Variants in MAGI2 observed in about 807,000 individuals in gnomAD.
MAGI2 encodes membrane-associated guanylate kinase, WW and PDZ domain-containing protein 2.
In MAGI2, 35 loss-of-function variants were observed where a neutral mutation model predicts 133.3. That is an observed-to-expected ratio of 0.26 (90% CI 0.20 to 0.35). The LOEUF (loss-of-function observed/expected upper bound fraction) is 0.35. Ranked by LOEUF, MAGI2 falls within the 10% of genes least tolerant of loss-of-function variation. MAGI2 has a pLI of 1.00. For synonymous variants in MAGI2, 729 were observed against 710.6 expected (o/e 1.03, Z -0.41); for missense variants, 1,636 against 1,863.4 (o/e 0.88, Z 2.25).
At chr7:78,137,923 AG>A (rs1822328200) in intron 16 of MAGI2, among the ~76,000 whole-genome samples, 3 of 40,616 alleles carry the variant, frequency 7.4e-5, no homozygotes, top group Non-Finnish European at 6.2e-5. Flanking sequence ...CACTGTGCTA[AG>A]TGATAATATA....
rs543741078 is a variant in MAGI2, at chr7:78,083,546, A to C, written c.3568-4461T>G. Among the ~76,000 whole-genome samples, 7 of 152,308 alleles carry C rather than the reference A, an allele frequency of 4.6e-5. No individual in the cohort carries two copies. The South Asian group carries it at 1.2e-3, about 27-fold the overall frequency. ...ATTTAGGAAACTGATCAAAGGACTT[A>C]AGAGGAATTCTAAGCACTCATTTTT... is the stretch of plus-strand genomic sequence containing the variant. On this transcript the variant is annotated intron_variant, in intron 20 of 21. Transcript: ENST00000354212.
At chr7:78,136,288 T>C (rs538628183) in intron 16 of MAGI2, among the ~76,000 whole-genome samples, 1 of 152,006 alleles carries the variant, frequency 6.6e-6, no homozygotes, top group Non-Finnish European at 1.5e-5. Flanking sequence ...CCTGGCTAAT[T>C]TTTTTGTATT....
At chr7:78,228,735 G>GA (rs1034802110) in intron 10 of MAGI2, among the ~76,000 whole-genome samples, 1 of 151,788 alleles carries the variant, frequency 6.6e-6, no homozygotes, top group Admixed American at 6.6e-5. Flanking sequence ...TATGGGGAAG[G>GA]AAAAAAACAC....
At chr7:79,364,431 T>A (rs1318108082) in intron 1 of MAGI2, among the ~76,000 whole-genome samples, 1 of 152,058 alleles carries the variant, frequency 6.6e-6, no homozygotes, top group Non-Finnish European at 1.5e-5. Flanking sequence ...GTGATCATAT[T>A]GTAAAACACA....
chr7:78,225,331 C>T (rs1789270212), intron 10 of MAGI2, among the ~76,000 whole-genome samples: 1 of 151,616 alleles, frequency 6.6e-6, no homozygotes, highest in Admixed American at 6.6e-5. Context: ...ACCCTTCCCA[C>T]ATTTAATTTT....
intron 1 of MAGI2, among the ~76,000 whole-genome samples, chr7:79,229,753 T>C (rs1240992296): frequency 6.6e-6 from 1 of 152,142 alleles, no homozygotes; most frequent in African/African-American, 2.4e-5. Context: ...TTTAGCAAAA[T>C]TTATTTGAAA....
At chr7:78,581,195 A>G (rs540047396) in intron 3 of MAGI2, among the ~76,000 whole-genome samples, 1 of 152,282 alleles carries the variant, frequency 6.6e-6, no homozygotes, top group East Asian at 1.9e-4. Flanking sequence ...CTGCAGGCCC[A>G]GGCTTGGGGG....
intron 2 of MAGI2, among the ~76,000 whole-genome samples, chr7:78,738,350 C>CT (rs199541124): frequency 0.016 from 2,361 of 151,876 alleles, 61 homozygotes; most frequent in African/African-American, 0.052. Flanking sequence ...TATTTTAAGA[C>CT]TTTTTTTTCT....
At chr7:78,821,430 A>G (rs1266722968) in intron 2 of MAGI2, among the ~76,000 whole-genome samples, 1 of 152,048 alleles carries the variant, frequency 6.6e-6, no homozygotes, top group African/African-American at 2.4e-5. Context: ...CAAATAAAGC[A>G]TAGTAAGGAA....
chr7:78,205,811 A>G (rs1829675737), intron 10 of MAGI2, among the ~76,000 whole-genome samples: 1 of 152,170 alleles, frequency 6.6e-6, no homozygotes, highest in Non-Finnish European at 1.5e-5. Context: ...CCCTGAAAAT[A>G]TTTACTATTT....
At chr7:78,615,128 C>T (rs1287094306) in intron 3 of MAGI2, 1 of 152,186 alleles carries the variant, frequency 6.6e-6, no homozygotes, top group East Asian at 1.9e-4. Flanking sequence ...GAGTCTCCAT[C>T]CCCACATCTC....
At chr7:79,173,379 G>T (rs1484302241) in intron 1 of MAGI2, among the ~76,000 whole-genome samples, 1 of 151,892 alleles carries the variant, frequency 6.6e-6, no homozygotes, top group Non-Finnish European at 1.5e-5. Flanking sequence ...AGGCTGGAGT[G>T]CAATGGCACG....
chr7:78,280,754 C>T (rs1409180836), intron 9 of MAGI2, among the ~76,000 whole-genome samples: 1 of 149,890 alleles, frequency 6.7e-6, no homozygotes, highest in African/African-American at 2.5e-5. Flanking sequence ...ACAACAATGG[C>T]ACCACTGGAG....
rs539844736 is a variant in MAGI2 at position 79,073,024 on chromosome 7, C to G, written c.302-65818G>C. On this transcript the variant is annotated intron_variant, in intron 1 of 21. Coordinates refer to ENST00000354212, the MANE Select transcript of MAGI2 (RefSeq NM_012301.4). The stretch of plus-strand genomic sequence containing the variant: ...CTTTTCTGTAGGAGAGTCAAAAAGA[C>G]AAAAACAAAAACAAACAACAACAAC... 2.0e-5 allele frequency among the ~76,000 whole-genome samples: 3 copies of G among 151,362 alleles called. No individual in the cohort carries two copies. The East Asian group carries it at 5.8e-4, about 29-fold the overall frequency.
intron 9 of MAGI2, among the ~76,000 whole-genome samples, chr7:78,263,599 C>T (rs1317560922): frequency 2.0e-5 from 3 of 152,108 alleles, no homozygotes; most frequent in Admixed American, 6.6e-5. Flanking sequence ...ATTGCTAAAT[C>T]TCCACTTCTG....
intron 3 of MAGI2, among the ~76,000 whole-genome samples, chr7:78,603,132 A>C (rs1209323957): frequency 1.3e-5 from 2 of 152,212 alleles, no homozygotes; most frequent in Non-Finnish European, 2.9e-5. Context: ...TTAAAGTGAC[A>C]GAATTACTGA....
intron 1 of MAGI2, among the ~76,000 whole-genome samples, chr7:79,195,409 A>C (rs76914171): frequency 0.015 from 2,283 of 152,110 alleles, 18 homozygotes; most frequent in Non-Finnish European, 0.022. Context: ...AGAAATCCAG[A>C]AAAAATAGAA....
chr7:78,458,948 T>C (rs1471868582), intron 6 of MAGI2, among the ~76,000 whole-genome samples: 1 of 152,186 alleles, frequency 6.6e-6, no homozygotes, highest in Admixed American at 6.5e-5. Flanking sequence ...ACTTTTTTTC[T>C]GAAGGAAATA....
At chr7:78,464,391 G>A (rs1790396670) in intron 6 of MAGI2, among the ~76,000 whole-genome samples, 1 of 152,054 alleles carries the variant, frequency 6.6e-6, no homozygotes, top group Non-Finnish European at 1.5e-5. Flanking sequence ...TATCATTACT[G>A]ATGACTTCTT....
Sources: allele counts gnomAD v4.1 joint callset (sites outside exome capture counted in the v4.1 genomes callset), GRCh38; gene constraint gnomAD v4.1.1; transcripts MANE v1.5; gene names NCBI Gene and HGNC (gene_info 2026-07-23, HGNC 2026-07-21).